The following FGF14 variants were observed in gnomAD, a reference collection of about 807,000 sequenced individuals.
FGF14 encodes the protein fibroblast growth factor homologous factor 4.
Under a neutral mutation model 25.5 loss-of-function variants are expected in FGF14, and 5 were observed. The observed-to-expected ratio is 0.20, with a 90% CI of 0.10 to 0.41. FGF14 has a LOEUF of 0.41. Among genes scored for constraint, FGF14 ranks in the 10% least tolerant of loss-of-function variants. FGF14 has a pLI of 1.00. For synonymous variants in FGF14, 138 were observed against 118.3 expected, an observed-to-expected ratio of 1.17 and a Z score of -1.08; for missense variants, 222 against 320.1, an observed-to-expected ratio of 0.69 and a Z score of 2.34.
At chr13:102,310,112 G>C (rs1406115488) in intron 1 of FGF14, among the ~76,000 whole-genome samples, 1 of 152,114 alleles carries the variant, frequency 6.6e-6, no homozygotes, top group Non-Finnish European at 1.5e-5. Context: ...TAATAGCTCT[G>C]TCATTCTGGC....
intron 1 of FGF14, among the ~76,000 whole-genome samples, chr13:102,277,353 G>A (rs184113681): frequency 6.6e-6 from 1 of 152,308 alleles, no homozygotes; most frequent in African/African-American, 2.4e-5. Flanking sequence ...TGTCCTAAAG[G>A]AGAGAATGTC....
chr13:101,770,055 G>A (rs1031637300), intron 3 of FGF14, among the ~76,000 whole-genome samples: 1 of 152,082 alleles, frequency 6.6e-6, no homozygotes, highest in Non-Finnish European at 1.5e-5. Context: ...GCATGTGGGG[G>A]CAAGGGGCAT....
Position 102,400,418 on chromosome 13 carries a change from C to G in FGF14, c.208+1053G>C, listed in dbSNP as rs896662181. ...GAACGGAGCTAGGGGACGCCACACA[C>G]TCCCGGCTGCCAGCGTGAGCGGTTC... is the stretch of plus-strand genomic sequence containing the variant. On this transcript the variant is annotated intron_variant, in intron 1 of 4. Transcript: ENST00000376131. This position sits in a 1 kb window ranked among gnomAD's most constrained non-coding sequence, Gnocchi z 4.3. Among the ~76,000 whole-genome samples the G allele has an allele frequency of 1.3e-5, 2 of 152,182 alleles. No individual in the cohort carries two copies. Among genetic ancestry groups the G allele is most frequent in the Non-Finnish European group, 2.9e-5 (2 of 68,038 alleles).
intron 1 of FGF14, among the ~76,000 whole-genome samples, chr13:101,993,107 A>T (rs1455248966): frequency 1.3e-5 from 2 of 151,876 alleles, no homozygotes; most frequent in African/African-American, 4.8e-5. Context: ...CATATACAGA[A>T]ATGATGATAA....
Position 102,205,984 on chromosome 13 carries a change from TAAAAAAAAAAAAAAAAAAAAAAAAA to T in FGF14, c.208+195462_208+195486del, listed in dbSNP as rs36108366. 1.2e-3 allele frequency among the ~76,000 whole-genome samples: 58 copies of T among 47,462 alleles called. 2 individuals are homozygous for T. Among genetic ancestry groups the T allele is most frequent in the East Asian group, 3.8e-3 (4 of 1,060 alleles). 31.1% of individuals were successfully genotyped at this position (47,462 alleles called of 152,430 possible). Reference sequence around the variant, plus strand: ...AGGTAGCTCAAGAAGCTCCCTGTGGTAAAAAAAAAAAAAAAAAAAAAAAAAAAAAAAAAAAAAAAAAAAAAAAAAA... The same window carrying T: ...AGGTAGCTCAAGAAGCTCCCTGTGGTAAAAAAAAAAAAAAAAAAAAAAAAA... On this transcript the variant is annotated intron_variant, in intron 1 of 4. Transcript: ENST00000376131.
intron 1 of FGF14, among the ~76,000 whole-genome samples, chr13:102,089,027 C>G (rs531246296): frequency 6.6e-6 from 1 of 152,146 alleles, no homozygotes; most frequent in Non-Finnish European, 1.5e-5. Flanking sequence ...TCAACTTTAC[C>G]TGTTGAAAAT....
chr13:101,932,088 C>T (rs929293836), intron 1 of FGF14, among the ~76,000 whole-genome samples: 7 of 152,276 alleles, frequency 4.6e-5, no homozygotes, highest in South Asian at 2.1e-4. Flanking sequence ...TTTGTGGAAA[C>T]GCATTTCTTT....
chr13:102,203,632 G>A (rs951944718), intron 1 of FGF14, among the ~76,000 whole-genome samples: 1 of 152,070 alleles, frequency 6.6e-6, no homozygotes, highest in Non-Finnish European at 1.5e-5. Context: ...ATTCATATCT[G>A]GAAAACTTTT....
chr13:102,361,558 A>C (rs1337237903), intron 1 of FGF14, among the ~76,000 whole-genome samples: 1 of 152,174 alleles, frequency 6.6e-6, no homozygotes, highest in African/African-American at 2.4e-5. Context: ...ATCCACTTCC[A>C]GAAATGCTGC....
intron 1 of FGF14, among the ~76,000 whole-genome samples, chr13:102,208,914 C>T (rs9518658): frequency 0.19 from 28,626 of 152,088 alleles, 4,890 homozygotes; most frequent in African/African-American, 0.45. Context: ...GAAATAGGCT[C>T]GTTGTATTAT....
In FGF14 at chr13:102,325,445, TG is replaced by T. The variant is rs748132494; in HGVS notation, c.208+76025del. Among the ~76,000 whole-genome samples the T allele has an allele frequency of 2.6e-5, 4 of 152,302 alleles. No homozygotes were observed. In the East Asian group the frequency reaches 7.7e-4, roughly 29 times the overall value. The stretch of plus-strand genomic sequence containing the variant: ...TTCATGATCATTTTCTGTCTGATCT[TG>T]GGTCTTACCACACCCTCTTGTGCAC... On this transcript the variant is annotated intron_variant, in intron 1 of 4. Coordinates refer to the FGF14 transcript ENST00000376131.
intron 3 of FGF14, among the ~76,000 whole-genome samples, chr13:101,845,452 T>G (rs1199333820): frequency 6.6e-6 from 1 of 151,950 alleles, no homozygotes; most frequent in East Asian, 1.9e-4. Flanking sequence ...CAAAGGCAAA[T>G]GTAAAGGTGA....
At chr13:102,396,249 G>A (rs1384659609) in intron 1 of FGF14, among the ~76,000 whole-genome samples, 1 of 152,158 alleles carries the variant, frequency 6.6e-6, no homozygotes, top group East Asian at 1.9e-4. Context: ...AGGTAATACT[G>A]AGTTGGGCTC....
At chr13:101,917,782 G>A (rs567556839), upstream of FGF14, among the ~76,000 whole-genome samples, 16 of 152,312 alleles carry the variant, frequency 1.1e-4, no homozygotes, top group South Asian at 3.3e-3. Context: ...AAAGAGAGAA[G>A]GTGTGATTAA....
At chr13:102,118,865 A>T (rs757653330) in intron 1 of FGF14, among the ~76,000 whole-genome samples, 1 of 152,200 alleles carries the variant, frequency 6.6e-6, no homozygotes, top group Non-Finnish European at 1.5e-5. Context: ...TATAATTGTT[A>T]TACAATTCTT....
intron 1 of FGF14, among the ~76,000 whole-genome samples, chr13:102,199,690 C>T (rs951018937): frequency 6.6e-6 from 1 of 152,166 alleles, no homozygotes; most frequent in African/African-American, 2.4e-5. Context: ...ACCCACTCCA[C>T]AGCCAGTCTA....
At chr13:101,777,146 A>T (rs934872820) in intron 3 of FGF14, among the ~76,000 whole-genome samples, 2 of 152,170 alleles carry the variant, frequency 1.3e-5, no homozygotes, top group African/African-American at 4.8e-5. Flanking sequence ...TGAAATAGTC[A>T]TCTCAAAGGG....
At chr13:102,220,884 G>A (rs1485488404) in intron 1 of FGF14, among the ~76,000 whole-genome samples, 2 of 152,096 alleles carry the variant, frequency 1.3e-5, no homozygotes, top group African/African-American at 4.8e-5. Flanking sequence ...TCTCTTTAGC[G>A]GTATAATCTT....
chr13:102,163,838 C>CA (rs964214879), intron 1 of FGF14, among the ~76,000 whole-genome samples: 2 of 151,986 alleles, frequency 1.3e-5, no homozygotes, highest in Non-Finnish European at 2.9e-5. Context: ...ACTTGCCCCC[C>CA]CCAGAAAACA....
Sources: allele counts gnomAD v4.1 joint callset (sites outside exome capture counted in the v4.1 genomes callset), GRCh38; gene constraint gnomAD v4.1.1; non-coding constraint Gnocchi (gnomAD v3.1); transcripts MANE v1.5; gene names NCBI Gene and HGNC (gene_info 2026-07-23, HGNC 2026-07-21).